The following SLC22A23 variants were observed in gnomAD, a reference collection of about 807,000 sequenced individuals.
SLC22A23 encodes ion transporter protein.
Under a neutral mutation model 61.0 loss-of-function variants are expected in SLC22A23, and 26 were observed. That is an observed-to-expected ratio of 0.43 (90% CI 0.31 to 0.59). SLC22A23 has a LOEUF of 0.59. Among genes scored for constraint, SLC22A23 ranks in the 20% least tolerant of loss-of-function variants. SLC22A23 has a pLI of 0.11. For missense variants in SLC22A23, 796 were observed against 934.7 expected (o/e 0.85, Z 1.94); for synonymous variants, 430 against 413.9 (o/e 1.04, Z -0.47).
Position 3,273,216 on chromosome 6 carries a change from C to G in SLC22A23, c.1900G>C (p.Glu634Gln). 6.2e-7 allele frequency: 1 copy of G among 1,613,242 alleles called. No homozygotes were observed. Among genetic ancestry groups the G allele is most frequent in the Non-Finnish European group, 8.5e-7 (1 of 1,179,582 alleles). The change falls in exon 10 of 10, where the codon GAG (glutamate) becomes CAG (glutamine). Residue 634 changes from glutamate to glutamine, a missense_variant. Glu to Gln is a conservative substitution (Grantham distance 29). Coordinates refer to ENST00000406686, the MANE Select transcript of SLC22A23 (RefSeq NM_015482.2). The stretch of plus-strand genomic sequence containing the variant: ...AGCAGCGGCTGGCGCGTGTAGTGCT[C>G]CCCGTTAGAAATGTTCTCAGGCAGG... ...QNLPENISNGEHYTRQPLLPH... is the reference protein window; with the variant it reads ...QNLPENISNGQHYTRQPLLPH...
In SLC22A23 at chr6:3,286,379, C is replaced by T. The variant is rs1367340754; in HGVS notation, c.1546+480G>A. Among the ~76,000 whole-genome samples the T allele has an allele frequency of 6.6e-6, 1 of 152,174 alleles. No homozygotes were observed. The highest frequency in any genetic ancestry group is 1.5e-5 in the Non-Finnish European group (1 of 68,034). On this transcript the variant is annotated intron_variant, in intron 7 of 9. Coordinates refer to ENST00000406686, the MANE Select transcript of SLC22A23 (RefSeq NM_015482.2). The surrounding 1 kb of genome is among the most constrained non-coding windows in gnomAD (Gnocchi z 4.2). ...CCTCCCAAAGTGCTGGGATTACAGG[C>T]GTGAGCCACCGCACCCGGCCAGATT...
chr6:3,361,770 G>A (rs1765463300), intron 3 of SLC22A23, among the ~76,000 whole-genome samples: 1 of 152,232 alleles, frequency 6.6e-6, no homozygotes, highest in Non-Finnish European at 1.5e-5. Flanking sequence ...GGGGCAAGAA[G>A]AAACATGAGG....
At chr6:3,307,228 G>A (rs375420659) in intron 4 of SLC22A23, among the ~76,000 whole-genome samples, 58 of 152,268 alleles carry the variant, frequency 3.8e-4, no homozygotes, top group African/African-American at 1.2e-3. Context: ...CACTGGCTCC[G>A]GGTCTCAGTT....
chr6:3,321,555 C>T (rs1414326239), intron 4 of SLC22A23, among the ~76,000 whole-genome samples: 1 of 152,080 alleles, frequency 6.6e-6, no homozygotes, highest in Non-Finnish European at 1.5e-5. Flanking sequence ...TTGCCTATCA[C>T]TAAACCTCAA....
chr6:3,346,531 G>A (rs549019912), intron 3 of SLC22A23, among the ~76,000 whole-genome samples: 7 of 152,152 alleles, frequency 4.6e-5, no homozygotes, highest in South Asian at 2.1e-4. Flanking sequence ...GGTCCCCTCC[G>A]TATCTGCTGC....
At chr6:3,400,100 A>T (rs1375971076) in intron 3 of SLC22A23, among the ~76,000 whole-genome samples, 1 of 151,890 alleles carries the variant, frequency 6.6e-6, no homozygotes, top group African/African-American at 2.4e-5. Context: ...CTGGTCTCGA[A>T]CTCCTGACCT....
intron 5 of SLC22A23, chr6:3,291,186 C>T (rs899424655): frequency 6.6e-6 from 1 of 152,122 alleles, no homozygotes; most frequent in African/African-American, 2.4e-5. Context: ...TAGAGGGATC[C>T]TTCTGCTCCC....
At chr6:3,451,757 C>T (rs553518311) in intron 1 of SLC22A23, among the ~76,000 whole-genome samples, 2 of 152,266 alleles carry the variant, frequency 1.3e-5, no homozygotes, top group Admixed American at 6.5e-5. Flanking sequence ...TACCTTACAA[C>T]AGAGCTGGGA....
At chr6:3,367,404 C>T (rs1765904948) in intron 3 of SLC22A23, among the ~76,000 whole-genome samples, 1 of 152,202 alleles carries the variant, frequency 6.6e-6, no homozygotes, top group African/African-American at 2.4e-5. Flanking sequence ...AATATGCCAT[C>T]ATCTTGGGCG....
chr6:3,380,958 G>A (rs79868034), intron 3 of SLC22A23, among the ~76,000 whole-genome samples: 2,051 of 152,210 alleles, frequency 0.013, 48 homozygotes, highest in African/African-American at 0.041. Context: ...ACTTCCACTC[G>A]CAGCTCATTG....
At chr6:3,339,681 C>A (rs186841134) in intron 3 of SLC22A23, among the ~76,000 whole-genome samples, 268 of 152,308 alleles carry the variant, frequency 1.8e-3, no homozygotes, top group African/African-American at 6.4e-3. Flanking sequence ...ACACTCCCAG[C>A]AGCGCCATGA....
chr6:3,290,157 GCA>G, intron 5 of SLC22A23: 1 of 477,962 alleles, frequency 2.1e-6, no homozygotes, highest in Non-Finnish European at 3.8e-6. Flanking sequence ...CAGTCAGAGT[GCA>G]CACAAACGGT....
intron 5 of SLC22A23, among the ~76,000 whole-genome samples, chr6:3,296,116 A>G (rs958603230): frequency 1.3e-5 from 2 of 152,236 alleles, no homozygotes; most frequent in African/African-American, 2.4e-5. Context: ...GGGAAATGCC[A>G]CAAACAAATT....
At chr6:3,345,052 C>G (rs1764345515) in intron 3 of SLC22A23, among the ~76,000 whole-genome samples, 1 of 152,216 alleles carries the variant, frequency 6.6e-6, no homozygotes, top group Non-Finnish European at 1.5e-5. Context: ...ACGGCTAAGA[C>G]TGTAATAAAT....
chr6:3,356,372 AG>A (rs1180791251), intron 3 of SLC22A23, among the ~76,000 whole-genome samples: 1 of 151,740 alleles, frequency 6.6e-6, no homozygotes, highest in African/African-American at 2.4e-5. Flanking sequence ...GGTGCCTACA[AG>A]GGTAACAGGC....
chr6:3,327,656 T>C lies in SLC22A23; in HGVS notation c.914-3654A>G, dbSNP rs1025068100. The stretch of plus-strand genomic sequence containing the variant: ...GTTTTTTTGTCTGCAAAATGGGGTG[T>C]TGTGAGCACTAAACAGCATATAGTG... On this transcript the variant is annotated intron_variant, in intron 3 of 9. Transcript: ENST00000406686. This position sits in a 1 kb window ranked among gnomAD's most constrained non-coding sequence, Gnocchi z 4.1. Among the ~76,000 whole-genome samples the C allele has an allele frequency of 1.3e-5, 2 of 152,156 alleles. No homozygotes were observed. Among genetic ancestry groups the C allele is most frequent in the Non-Finnish European group, 1.5e-5 (1 of 68,036 alleles).
At chr6:3,395,430 C>T (rs1456615275) in intron 3 of SLC22A23, among the ~76,000 whole-genome samples, 1 of 152,202 alleles carries the variant, frequency 6.6e-6, no homozygotes, top group Admixed American at 6.5e-5. Context: ...TAAAGATCAG[C>T]TTCATTAGCA....
chr6:3,315,821 G>A (rs1251121733), intron 4 of SLC22A23, among the ~76,000 whole-genome samples: 8 of 151,848 alleles, frequency 5.3e-5, no homozygotes, highest in East Asian at 3.9e-4. Context: ...CTGAGATCAC[G>A]CCACTGCACT....
chr6:3,283,306 C>A (rs1180139461), intron 9 of SLC22A23, among the ~76,000 whole-genome samples: 1 of 152,114 alleles, frequency 6.6e-6, no homozygotes, highest in Non-Finnish European at 1.5e-5. Flanking sequence ...GTGGCGCACA[C>A]CTATAATCCC....
Sources: gnomAD v4.1 joint callset for allele counts (sites outside exome capture counted in the v4.1 genomes callset) on GRCh38, gnomAD v4.1.1 for gene constraint, Gnocchi (gnomAD v3.1) non-coding constraint, MANE v1.5 for transcripts, NCBI Gene and HGNC (gene_info 2026-07-23, HGNC 2026-07-21) for gene names.